The following CACNB2 variants were observed in gnomAD, a reference collection of about 807,000 sequenced individuals.
CACNB2 encodes the protein calcium voltage-gated channel auxiliary subunit beta 2.
A neutral mutation model predicts 73.3 loss-of-function variants in CACNB2; 42 were observed. That is an observed-to-expected ratio of 0.57 (90% CI 0.45 to 0.74). CACNB2 has a LOEUF of 0.74. Ranked by LOEUF, CACNB2 falls within the 30% of genes least tolerant of loss-of-function variation. The pLI, the probability that CACNB2 is intolerant of heterozygous loss-of-function variation, is 0.00. For synonymous variants in CACNB2, 348 were observed against 310.3 expected, an observed-to-expected ratio of 1.12 and a Z score of -1.28; for missense variants, 940 against 853.0, an observed-to-expected ratio of 1.10 and a Z score of -1.27.
intron 2 of CACNB2, among the ~76,000 whole-genome samples, chr10:18,201,360 C>A (rs531575794): frequency 6.6e-6 from 1 of 151,674 alleles, no homozygotes. Context: ...CTGCAACCTC[C>A]GTCTCCTGGG....
chr10:18,342,513 C>A (rs1034233076), intron 2 of CACNB2, among the ~76,000 whole-genome samples: 5 of 152,076 alleles, frequency 3.3e-5, no homozygotes, highest in African/African-American at 1.2e-4. Flanking sequence ...TAATTTTAGT[C>A]CTATCTTTAA....
At chr10:18,255,827 C>T (rs1389958566) in intron 2 of CACNB2, among the ~76,000 whole-genome samples, 1 of 152,192 alleles carries the variant, frequency 6.6e-6, no homozygotes, top group Non-Finnish European at 1.5e-5. Context: ...GCCAGAAGCA[C>T]TTAAGCAGAG....
chr10:18,308,425 G>C (rs947605902), intron 2 of CACNB2, among the ~76,000 whole-genome samples: 2 of 152,166 alleles, frequency 1.3e-5, no homozygotes, highest in Admixed American at 1.3e-4. Flanking sequence ...TAAGCATAGT[G>C]CCCTCTAGGC....
intron 2 of CACNB2, among the ~76,000 whole-genome samples, chr10:18,306,341 T>C (rs760663709): frequency 6.6e-6 from 1 of 152,112 alleles, no homozygotes; most frequent in Non-Finnish European, 1.5e-5. Context: ...AAGTAGAAGA[T>C]AGGACAAATA....
intron 2 of CACNB2, among the ~76,000 whole-genome samples, chr10:18,220,220 T>TAGAGAG (rs2035706779): frequency 2.1e-5 from 1 of 46,662 alleles, no homozygotes; most frequent in Non-Finnish European, 3.4e-5. Flanking sequence ...TATATATATA[T>TAGAGAG]ATATATATAT....
intron 2 of CACNB2, chr10:18,206,593 A>C (rs2035103847): frequency 6.6e-6 from 1 of 152,302 alleles, no homozygotes; most frequent in African/African-American, 2.4e-5. Context: ...AGACATGTCT[A>C]AGGAAATGTA....
intron 2 of CACNB2, among the ~76,000 whole-genome samples, chr10:18,281,882 A>C (rs1181957534): frequency 6.7e-6 from 1 of 149,622 alleles, no homozygotes; most frequent in Non-Finnish European, 1.5e-5. Context: ...TGGGAGGCTA[A>C]GGCAGGAGAA....
intron 2 of CACNB2, among the ~76,000 whole-genome samples, chr10:18,289,583 C>T (rs919155363): frequency 6.6e-6 from 1 of 151,638 alleles, no homozygotes; most frequent in Non-Finnish European, 1.5e-5. Context: ...CATGAGCCAC[C>T]GCGCCCGGCC....
chr10:18,218,243 G>A (rs187638816), intron 2 of CACNB2, among the ~76,000 whole-genome samples: 3 of 152,288 alleles, frequency 2.0e-5, no homozygotes, highest in Admixed American at 2.0e-4. Context: ...AGGTATTTTT[G>A]TCCTTACTGG....
intron 2 of CACNB2, among the ~76,000 whole-genome samples, chr10:18,336,081 A>G (rs1361217157): frequency 6.6e-6 from 1 of 152,244 alleles, no homozygotes. Context: ...CTATGGCTTC[A>G]AATTTAAAAC....
chr10:18,147,257 A>G (rs1051434961), intron 1 of CACNB2, among the ~76,000 whole-genome samples: 1 of 152,166 alleles, frequency 6.6e-6, no homozygotes, highest in African/African-American at 2.4e-5. Flanking sequence ...TAACATCATG[A>G]TGGATTTTGA....
intron 2 of CACNB2, chr10:18,261,341 T>G: frequency 6.4e-7 from 1 of 1,551,616 alleles, no homozygotes; most frequent in Non-Finnish European, 8.7e-7. Flanking sequence ...GCTGTAGAAT[T>G]GCAGCTGGGA....
At chr10:18,259,730 CAGAA>C (rs1324353327) in intron 2 of CACNB2, among the ~76,000 whole-genome samples, 26 of 112,564 alleles carry the variant, frequency 2.3e-4, no homozygotes, top group Admixed American at 1.6e-3. Flanking sequence ...GACTCTGTCT[CAGAA>C]AAAAAAAAAA....
intron 2 of CACNB2, among the ~76,000 whole-genome samples, chr10:18,203,208 C>G (rs1206054631): frequency 6.6e-6 from 1 of 152,180 alleles, no homozygotes; most frequent in Non-Finnish European, 1.5e-5. Flanking sequence ...GAAGTAGACA[C>G]AGGCAGATGC....
At chr10:18,515,060 C>T (rs757085339) in intron 7 of CACNB2, 20 of 1,589,092 alleles carry the variant, frequency 1.3e-5, no homozygotes, top group Non-Finnish European at 1.7e-5. Flanking sequence ...TTCCTATTGT[C>T]ATATATAAAT....
intron 2 of CACNB2, among the ~76,000 whole-genome samples, chr10:18,156,872 TAG>T (rs2032080869): frequency 1.7e-5 from 2 of 119,334 alleles, no homozygotes; most frequent in Non-Finnish European, 1.7e-5. Context: ...CTACTAAAAG[TAG>T]AAAAAAAAAA....
At chr10:18,250,602 G>T (rs1025050428) in intron 2 of CACNB2, among the ~76,000 whole-genome samples, 63 of 151,714 alleles carry the variant, frequency 4.2e-4, no homozygotes, top group African/African-American at 1.5e-3. Flanking sequence ...GACTATGGAC[G>T]AATGTCTTTT....
chr10:18,471,199 G>C (rs1002322253), intron 3 of CACNB2, among the ~76,000 whole-genome samples: 1 of 152,046 alleles, frequency 6.6e-6, no homozygotes, highest in African/African-American at 2.4e-5. Flanking sequence ...CCAGCTACTC[G>C]GGAGGCTGAG....
chr10:18,344,535 AT>A (rs562411154), intron 2 of CACNB2, among the ~76,000 whole-genome samples: 2 of 151,486 alleles, frequency 1.3e-5, no homozygotes, highest in African/African-American at 4.9e-5. Flanking sequence ...ACCCCAGCTA[AT>A]TTTTTTTGTA....
Sources: allele counts gnomAD v4.1 joint callset (sites outside exome capture counted in the v4.1 genomes callset), GRCh38; gene constraint gnomAD v4.1.1; transcripts MANE v1.5; gene names NCBI Gene and HGNC (gene_info 2026-07-23, HGNC 2026-07-21).